NIPAL3: variants seen among roughly 807,000 people sequenced by gnomAD.
NIPAL3 encodes NIPA-like protein 3.
Under a neutral mutation model 47.2 loss-of-function variants are expected in NIPAL3, and 41 were observed. The observed-to-expected ratio is 0.87, with a 90% CI of 0.68 to 1.13. The LOEUF (loss-of-function observed/expected upper bound fraction) is 1.13. Ranked by LOEUF, NIPAL3 falls within the 50% of genes most tolerant of loss-of-function variation. The pLI, the probability that NIPAL3 is intolerant of heterozygous loss-of-function variation, is 0.00. For missense variants in NIPAL3, 449 were observed against 530.1 expected (o/e 0.85, Z 1.50); for synonymous variants, 194 against 209.6 (o/e 0.93, Z 0.64).
chr1:24,455,147 A>G (rs1006018642), intron 7 of NIPAL3, among the ~76,000 whole-genome samples: 2 of 152,210 alleles, frequency 1.3e-5, no homozygotes, highest in African/African-American at 4.8e-5. Context: ...CCAAAGCTGA[A>G]GAATAGGAAA....
chr1:24,455,000 A>G lies in NIPAL3; in HGVS notation c.638-1138A>G, dbSNP rs564341958. ...CAGAAGGTTCTGAGGCCATTGGCCA[A>G]TCCCCTTCTGACTAAGAAGGACTAC... On this transcript the variant is annotated intron_variant, in intron 7 of 11. Coordinates refer to ENST00000374399, the MANE Select transcript of NIPAL3 (RefSeq NM_020448.5). The surrounding 1 kb of genome is among the most constrained non-coding windows in gnomAD (Gnocchi z 4.1). Among the ~76,000 whole-genome samples the G allele has an allele frequency of 2.6e-5, 4 of 152,364 alleles. No homozygotes were observed. Among genetic ancestry groups the G allele is most frequent in the African/African-American group, 9.6e-5 (4 of 41,588 alleles).
chr1:24,446,069 C>CTGTGTGTGT (rs58526442), intron 5 of NIPAL3, among the ~76,000 whole-genome samples: 3,720 of 147,806 alleles, frequency 0.025, 62 homozygotes, highest in African/African-American at 0.036. Flanking sequence ...AGATTATAGT[C>CTGTGTGTGT]GTGTGTGTGT....
chr1:24,442,315 C>T, intron 4 of NIPAL3, 89 bp downstream of exon 4: 1 of 1,428,358 alleles, frequency 7.0e-7, no homozygotes. Flanking sequence ...GCCCATTGAA[C>T]AAACCAGCTT....
chr1:24,460,627 C>A, intron 10 of NIPAL3, 83 bp downstream of exon 10: 1 of 1,134,642 alleles, frequency 8.8e-7, no homozygotes, highest in Non-Finnish European at 1.2e-6. Flanking sequence ...CTTATTGCTA[C>A]AGCCGCCCCA....
intron 11 of NIPAL3, chr1:24,466,142 T>C: frequency 6.4e-7 from 1 of 1,559,940 alleles, no homozygotes; most frequent in South Asian, 1.2e-5. Flanking sequence ...AAACAGCCCC[T>C]GACCTCCAGG....
intron 4 of NIPAL3, among the ~76,000 whole-genome samples, chr1:24,443,020 T>C (rs776935290): frequency 6.6e-6 from 1 of 152,182 alleles, no homozygotes; most frequent in African/African-American, 2.4e-5. Flanking sequence ...GCCAGGCTGG[T>C]CTCAAATTCT....
intron 6 of NIPAL3, among the ~76,000 whole-genome samples, chr1:24,452,081 A>G (rs1645964927): frequency 1.3e-5 from 2 of 152,140 alleles, no homozygotes; most frequent in South Asian, 4.1e-4. Context: ...ATCAGCTTTG[A>G]TAAGGGGTTT....
intron 6 of NIPAL3, among the ~76,000 whole-genome samples, chr1:24,450,194 C>A (rs1444281308): frequency 1.3e-5 from 2 of 152,048 alleles, no homozygotes; most frequent in Non-Finnish European, 2.9e-5. Context: ...ATGTAATATA[C>A]CTAGGAAGGC....
At chr1:24,457,617 G>A (rs758100940) in intron 8 of NIPAL3, 3 of 400,416 alleles carry the variant, frequency 7.5e-6, no homozygotes, top group South Asian at 1.9e-5. Flanking sequence ...TTTTGCATAC[G>A]AGGAACTGAT....
At chr1:24,457,760 C>T (rs749073987) in intron 8 of NIPAL3, 1 of 533,432 alleles carries the variant, frequency 1.9e-6, no homozygotes, top group Non-Finnish European at 3.8e-6. Flanking sequence ...TCTTCACCTG[C>T]TAATGAGAAC....
chr1:24,447,827 T>A (rs1207153669), intron 5 of NIPAL3, among the ~76,000 whole-genome samples: 2 of 152,266 alleles, frequency 1.3e-5, no homozygotes, highest in Non-Finnish European at 2.9e-5. Flanking sequence ...CAAGCCTTGA[T>A]GAGCAGACCA....
chr1:24,419,718 A>G (rs1447770587), intron 2 of NIPAL3, 78 bp downstream of exon 2: 1 of 1,239,112 alleles, frequency 8.1e-7, no homozygotes, highest in Admixed American at 2.0e-5. Flanking sequence ...TGGCTAACAG[A>G]TATGTATGGG....
intron 11 of NIPAL3, among the ~76,000 whole-genome samples, chr1:24,468,107 A>G (rs1176430526): frequency 6.6e-6 from 1 of 151,998 alleles, no homozygotes; most frequent in East Asian, 1.9e-4. Context: ...GAAGTTTGAG[A>G]CCAGCCTGGG....
At chr1:24,452,376 A>G (rs1391900131) in intron 6 of NIPAL3, among the ~76,000 whole-genome samples, 1 of 152,208 alleles carries the variant, frequency 6.6e-6, no homozygotes, top group Non-Finnish European at 1.5e-5. Context: ...GTGCCACGCC[A>G]TCGTGGTAGT....
At chr1:24,457,594 G>A (rs1356862794) in intron 8 of NIPAL3, 1 of 378,358 alleles carries the variant, frequency 2.6e-6, no homozygotes, top group Non-Finnish European at 5.2e-6. Context: ...TGATGTACAG[G>A]ATATTATCCC....
At chr1:24,444,405 T>C (rs1352105161) in intron 4 of NIPAL3, among the ~76,000 whole-genome samples, 1 of 152,188 alleles carries the variant, frequency 6.6e-6, no homozygotes, top group African/African-American at 2.4e-5. Flanking sequence ...ACCTGATTTG[T>C]AGCGCTTGCC....
At chr1:24,437,580 A>AAGGTCTGGAACCAGG (rs555067205) in intron 2 of NIPAL3, among the ~76,000 whole-genome samples, 1,950 of 152,224 alleles carry the variant, frequency 0.013, 54 homozygotes, top group African/African-American at 0.045. Flanking sequence ...TGGCTTCAGG[A>AAGGTCTGGAACCAGG]AGGTCTGGAA....
chr1:24,436,214 G>A (rs941947481), intron 2 of NIPAL3, among the ~76,000 whole-genome samples: 6 of 152,128 alleles, frequency 3.9e-5, no homozygotes, highest in African/African-American at 1.4e-4. Flanking sequence ...AGAATAGTGA[G>A]GTTATTGTCT....
chr1:24,449,009 G>A lies in NIPAL3; in HGVS notation c.395-472G>A, dbSNP rs1052352150. Among the ~76,000 whole-genome samples, 2 of 152,204 alleles carry A rather than the reference G, an allele frequency of 1.3e-5. No individual in the cohort carries two copies. Among genetic ancestry groups the A allele is most frequent in the Non-Finnish European group, 2.9e-5 (2 of 68,040 alleles). ...TGCCACTGTGCCCCACAACGCAGAC[G>A]AATCTCAGAAACATCATGCTGAGTC... On this transcript the variant is annotated intron_variant, in intron 5 of 11. Coordinates refer to ENST00000374399, the MANE Select transcript of NIPAL3 (RefSeq NM_020448.5). This position sits in a 1 kb window ranked among gnomAD's most constrained non-coding sequence, Gnocchi z 4.5.
Sources: allele counts gnomAD v4.1 joint callset (sites outside exome capture counted in the v4.1 genomes callset), GRCh38; gene constraint gnomAD v4.1.1; non-coding constraint Gnocchi (gnomAD v3.1); transcripts MANE v1.5; gene names NCBI Gene and HGNC (gene_info 2026-07-23, HGNC 2026-07-21).